Variants in DLC1 observed in about 807,000 individuals in gnomAD.
DLC1 encodes DLC1 Rho GTPase activating protein.
In DLC1, 54 loss-of-function variants were observed where a neutral mutation model predicts 140.3. The ratio of observed to expected loss-of-function variants is 0.38; its 90% confidence interval spans 0.31 to 0.48. The LOEUF is 0.48. Ranked by LOEUF, DLC1 falls within the 20% of genes least tolerant of loss-of-function variation. The pLI is 0.96. For missense variants in DLC1, 2,536 were observed against 1,907.0 expected, an observed-to-expected ratio of 1.33 and a Z score of -6.14; for synonymous variants, 986 against 728.1, an observed-to-expected ratio of 1.35 and a Z score of -5.70.
At chr8:13,456,839 G>T (rs2117004641) in intron 2 of DLC1, among the ~76,000 whole-genome samples, 1 of 152,300 alleles carries the variant, frequency 6.6e-6, no homozygotes, top group African/African-American at 2.4e-5. Context: ...CATTGACTTA[G>T]CTGTGATTAT....
intron 1 of DLC1, among the ~76,000 whole-genome samples, chr8:13,566,308 A>C (rs1357978107): frequency 6.6e-6 from 1 of 152,136 alleles, no homozygotes; most frequent in Admixed American, 6.5e-5. Flanking sequence ...TGTATGGACA[A>C]AAGGCCAGAG....
chr8:13,448,856 TGTATTATACACTAGCAGATTTCACAG>T (rs1798918279), intron 2 of DLC1, among the ~76,000 whole-genome samples: 1 of 86,406 alleles, frequency 1.2e-5, no homozygotes, highest in South Asian at 4.2e-4. Flanking sequence ...ATTTCACAGA[TGTATTATACACTAGCAGATTTCACAG>T]CAAGGAAACA....
chr8:13,114,722 A>G (rs1303185321), intron 6 of DLC1, among the ~76,000 whole-genome samples: 2 of 152,228 alleles, frequency 1.3e-5, no homozygotes, highest in Non-Finnish European at 2.9e-5. Context: ...GCATAATGTG[A>G]GCAAACAAAT....
chr8:13,382,512 A>C (rs1210104766), intron 4 of DLC1, among the ~76,000 whole-genome samples: 1 of 143,168 alleles, frequency 7.0e-6, no homozygotes, highest in African/African-American at 2.6e-5. Context: ...TCTCAAAAAA[A>C]AAAAAAAAAA....
At chr8:13,468,199 G>A (rs1474864259) in intron 2 of DLC1, among the ~76,000 whole-genome samples, 3 of 152,154 alleles carry the variant, frequency 2.0e-5, no homozygotes, top group Non-Finnish European at 4.4e-5. Context: ...TACTTTTCCA[G>A]TAATTTGTCC....
intron 3 of DLC1, among the ~76,000 whole-genome samples, chr8:13,395,402 G>A (rs1478155175): frequency 6.6e-6 from 1 of 152,106 alleles, no homozygotes; most frequent in Non-Finnish European, 1.5e-5. Context: ...TTGCGCGCAT[G>A]AGCCACCGCA....
At chr8:13,474,373 G>T (rs988583932) in intron 2 of DLC1, among the ~76,000 whole-genome samples, 10 of 152,226 alleles carry the variant, frequency 6.6e-5, no homozygotes, top group African/African-American at 2.4e-4. Flanking sequence ...TGTCCAGGAA[G>T]AAGTTTGCTG....
intron 5 of DLC1, among the ~76,000 whole-genome samples, chr8:13,258,645 G>T (rs985389792): frequency 6.6e-6 from 1 of 152,190 alleles, no homozygotes; most frequent in Non-Finnish European, 1.5e-5. Context: ...GAAATCTGCT[G>T]TAAGTTGGTT....
intron 4 of DLC1, among the ~76,000 whole-genome samples, chr8:13,330,326 A>C (rs977705107): frequency 2.0e-5 from 3 of 152,222 alleles, no homozygotes; most frequent in Non-Finnish European, 2.9e-5. Flanking sequence ...AAAATAACCC[A>C]GCACAACCTG....
chr8:13,536,020 C>T (rs1373734510), intron 1 of DLC1: 1 of 152,022 alleles, frequency 6.6e-6, no homozygotes, highest in Non-Finnish European at 1.5e-5. Context: ...CCAAGGAGAA[C>T]AACAAAGAGT....
chr8:13,188,879 T>C (rs1826577891), intron 5 of DLC1, among the ~76,000 whole-genome samples: 2 of 133,754 alleles, frequency 1.5e-5, no homozygotes, highest in South Asian at 4.8e-4. Flanking sequence ...TTAGTGGAGA[T>C]GAAGTTTCAT....
At chr8:13,140,159 CT>C (rs886963120) in intron 5 of DLC1, among the ~76,000 whole-genome samples, 1 of 152,108 alleles carries the variant, frequency 6.6e-6, no homozygotes, top group African/African-American at 2.4e-5. Context: ...ACAGTTGCCC[CT>C]TTGTGTCTGG....
intron 5 of DLC1, among the ~76,000 whole-genome samples, chr8:13,178,574 A>G (rs1251733804): frequency 1.0e-5 from 1 of 98,204 alleles, no homozygotes; most frequent in Non-Finnish European, 2.1e-5. Flanking sequence ...CTCTGCCTCA[A>G]AAAAAAAAAA....
intron 1 of DLC1, among the ~76,000 whole-genome samples, chr8:13,512,313 G>T (rs979338388): frequency 3.3e-5 from 5 of 152,146 alleles, no homozygotes; most frequent in African/African-American, 1.2e-4. Flanking sequence ...ACATTTATGA[G>T]AAAGGGTCTT....
chr8:13,427,483 T>C (rs1247532948), intron 2 of DLC1, among the ~76,000 whole-genome samples: 1 of 152,210 alleles, frequency 6.6e-6, no homozygotes, highest in Admixed American at 6.5e-5. Flanking sequence ...TTTCTTAACA[T>C]AGATGAAGAT....
chr8:13,550,371 G>A (rs1803804799), intron 1 of DLC1, among the ~76,000 whole-genome samples: 2 of 152,116 alleles, frequency 1.3e-5, no homozygotes, highest in Non-Finnish European at 2.9e-5. Flanking sequence ...CCAGCCATGA[G>A]GAACTGTAAG....
chr8:13,458,912 C>G (rs1188995394), intron 2 of DLC1, among the ~76,000 whole-genome samples: 1 of 151,828 alleles, frequency 6.6e-6, no homozygotes, highest in Non-Finnish European at 1.5e-5. Flanking sequence ...TAGTTATGCA[C>G]AATAGCATAT....
chr8:13,325,809 A>G (rs1416881210), intron 4 of DLC1, among the ~76,000 whole-genome samples: 1 of 152,234 alleles, frequency 6.6e-6, no homozygotes, highest in Non-Finnish European at 1.5e-5. Context: ...CTTTATGTTT[A>G]TTTCCAATTA....
chr8:13,322,445 C>T (rs1351809929), intron 4 of DLC1, among the ~76,000 whole-genome samples: 2 of 151,868 alleles, frequency 1.3e-5, no homozygotes, highest in Non-Finnish European at 2.9e-5. Flanking sequence ...CAAATTATTA[C>T]ATTGAATTTT....
Sources: gnomAD v4.1 joint callset for allele counts (sites outside exome capture counted in the v4.1 genomes callset) on GRCh38, gnomAD v4.1.1 for gene constraint, MANE v1.5 for transcripts, NCBI Gene and HGNC (gene_info 2026-07-23, HGNC 2026-07-21) for gene names.